Variants in LRRC9 observed in about 807,000 individuals in gnomAD.
The protein encoded by LRRC9 is leucine rich repeat containing 9, also known as leucine-rich repeat-containing protein 9.
In LRRC9, 122 loss-of-function variants were observed where a neutral mutation model predicts 63.2. The ratio of observed to expected loss-of-function variants is 1.93; its 90% CI spans 1.67 to 2.24. The LOEUF (loss-of-function observed/expected upper bound fraction) is 2.24. LRRC9 is among the 30% of genes most tolerant of loss of function. LRRC9 has a pLI of 0.00. For synonymous variants in LRRC9, 366 were observed against 213.1 expected (o/e 1.72, Z -6.25); for missense variants, 1,071 against 627.7 (o/e 1.71, Z -7.55).
In LRRC9 at chr14:59,930,497, A is replaced by AATTG. The variant is rs1365354945; in HGVS notation, c.268-420_268-419insTTGA. ...TTTCATAATTATTAAATATAATTTG[A>AATTG]AGGATTATGAAAACATTTTAGTCTT... On this transcript the variant is annotated intron_variant, in intron 3 of 31. Coordinates refer to ENST00000445360, the Ensembl canonical transcript of LRRC9. This position sits in a 1 kb window ranked among gnomAD's most constrained non-coding sequence, Gnocchi z 4.9. Among the ~76,000 whole-genome samples, 2 of 151,968 alleles carry AATTG rather than the reference A, an allele frequency of 1.3e-5. No individual in the cohort carries two copies. The highest frequency in any genetic ancestry group is 2.9e-5 in the Non-Finnish European group (2 of 67,924).
At chr14:60,013,389 T>A (rs1890415939) in intron 23 of LRRC9, among the ~76,000 whole-genome samples, 1 of 152,088 alleles carries the variant, frequency 6.6e-6, no homozygotes, top group Admixed American at 6.6e-5. Context: ...TCAGGAAAAT[T>A]CTTTATTTCA....
rs573866022 is a variant in LRRC9 at position 59,991,365 on chromosome 14, T to C, written c.2211+6141T>C. On this transcript the variant is annotated intron_variant, in intron 17 of 31. Coordinates refer to ENST00000445360, the Ensembl canonical transcript of LRRC9. ...GCCAAGATGGCCACATAGGAATACC[T>C]CCAGTCTACAGCTCCCAGCATGAGC... Among the ~76,000 whole-genome samples the C allele has an allele frequency of 5.3e-5, 8 of 152,224 alleles. No homozygotes were observed. In the South Asian group the frequency reaches 6.2e-4, roughly 12 times the overall value.
chr14:60,063,041 TGC>T (rs1451253890), intron 31 of LRRC9, among the ~76,000 whole-genome samples: 1 of 152,016 alleles, frequency 6.6e-6, no homozygotes, highest in Non-Finnish European at 1.5e-5. Flanking sequence ...ACTACGGGCA[TGC>T]GCCACCATGC....
chr14:60,063,690 G>A (rs1400146957), downstream of LRRC9: 1 of 248,058 alleles, frequency 4.0e-6, no homozygotes, highest in East Asian at 7.4e-5. Context: ...CTTAGTTCTA[G>A]TATTAGAAAC....
chr14:60,049,692 T>C (rs1893733551), intron 29 of LRRC9, among the ~76,000 whole-genome samples: 1 of 152,170 alleles, frequency 6.6e-6, no homozygotes, highest in African/African-American at 2.4e-5. Context: ...CATTTTTTCT[T>C]TCATTTTGAC....
chr14:60,024,590 A>G (rs1891373735), intron 27 of LRRC9, among the ~76,000 whole-genome samples: 1 of 152,074 alleles, frequency 6.6e-6, no homozygotes, highest in Non-Finnish European at 1.5e-5. Context: ...GAATGCATCT[A>G]TCAAAAGCAC....
chr14:59,929,216 A>G (rs1889477103), intron 3 of LRRC9, among the ~76,000 whole-genome samples: 1 of 152,148 alleles, frequency 6.6e-6, no homozygotes, highest in Non-Finnish European at 1.5e-5. Context: ...AACCTAAACA[A>G]ATTTACAAGA....
chr14:59,979,053 A>G (rs901852810), intron 15 of LRRC9, among the ~76,000 whole-genome samples: 11 of 152,142 alleles, frequency 7.2e-5, no homozygotes, highest in African/African-American at 2.2e-4. Context: ...ACCATTTTCT[A>G]TTAAACTCTG....
In LRRC9 at chr14:59,975,150, T is replaced by C. The variant is rs867280196; in HGVS notation, c.1639+442T>C. On this transcript the variant is annotated intron_variant, in intron 13 of 31. Coordinates refer to ENST00000445360, the Ensembl canonical transcript of LRRC9. The stretch of plus-strand genomic sequence containing the variant: ...ATGTATATATATATACATATATATA[T>C]GTATATATATATATGTATATATATA... Among the ~76,000 whole-genome samples, 39 of 22,724 alleles carry C rather than the reference T, an allele frequency of 1.7e-3. 1 individual carries two copies. Among genetic ancestry groups the C allele is most frequent in the Non-Finnish European group, 4.2e-3 (29 of 6,920 alleles). 14.9% of individuals were successfully genotyped at this position (22,724 alleles called of 152,430 possible).
At chr14:59,975,148 T>TATATACATATATATAC (rs1886107136) in intron 13 of LRRC9, among the ~76,000 whole-genome samples, 1 of 20,468 alleles carries the variant, frequency 4.9e-5, no homozygotes, top group Non-Finnish European at 1.6e-4. Context: ...TACATATATA[T>TATATACATATATATAC]ATGTATATAT....
At chr14:59,967,324 C>T (rs1252273686) in intron 12 of LRRC9, 111 bp downstream of exon 12, 2 of 466,640 alleles carry the variant, frequency 4.3e-6, no homozygotes, top group East Asian at 6.0e-5. Flanking sequence ...TAAATTTCTA[C>T]TGCTGTTTCA....
At chr14:59,998,883 C>T (rs778016250) in intron 18 of LRRC9, among the ~76,000 whole-genome samples, 1 of 151,968 alleles carries the variant, frequency 6.6e-6, no homozygotes, top group Non-Finnish European at 1.5e-5. Flanking sequence ...ATGGGATTTC[C>T]CTTCCTCATC....
At chr14:60,040,103 G>C (rs1382284694) in intron 29 of LRRC9, among the ~76,000 whole-genome samples, 2 of 151,992 alleles carry the variant, frequency 1.3e-5, no homozygotes, top group Non-Finnish European at 2.9e-5. Flanking sequence ...CTGAGTTCTA[G>C]TTTGATTGCA....
chr14:60,015,956 G>C (rs139085105), intron 23 of LRRC9, among the ~76,000 whole-genome samples: 1 of 152,068 alleles, frequency 6.6e-6, no homozygotes, highest in Non-Finnish European at 1.5e-5. Context: ...GCTTGTTATC[G>C]TCTAAAGTTT....
At chr14:59,996,876 G>A (rs557955792) in intron 17 of LRRC9, among the ~76,000 whole-genome samples, 18 of 152,060 alleles carry the variant, frequency 1.2e-4, no homozygotes, top group Middle Eastern at 3.2e-3. Context: ...TAATTCTCAC[G>A]GATGTTTGTT....
chr14:59,978,184 A>G (rs1437299590), intron 15 of LRRC9, 52 bp downstream of exon 15: 2 of 690,364 alleles, frequency 2.9e-6, no homozygotes, highest in African/African-American at 1.8e-5. Flanking sequence ...TTAAATGGGA[A>G]CAAAGTAGTA....
At chr14:60,048,597 T>C (rs568374235) in intron 29 of LRRC9, among the ~76,000 whole-genome samples, 10 of 151,988 alleles carry the variant, frequency 6.6e-5, no homozygotes, top group South Asian at 2.1e-4. Flanking sequence ...TAGGAAGAAA[T>C]TGAATCCCTG....
At chr14:59,988,638 C>T (rs1022815252) in intron 17 of LRRC9, among the ~76,000 whole-genome samples, 24 of 151,994 alleles carry the variant, frequency 1.6e-4, no homozygotes, top group African/African-American at 5.8e-4. Flanking sequence ...TGTGTATGTT[C>T]TTCCCATTCT....
At chr14:60,008,127 G>A (rs1349896836) in exon 23 of LRRC9, 2 of 701,108 alleles carry the variant, frequency 2.9e-6, no homozygotes, top group Non-Finnish European at 5.2e-6. Context: ...ACATGTGTGG[G>A]AACATCATTA....
Sources: allele counts gnomAD v4.1 joint callset (sites outside exome capture counted in the v4.1 genomes callset), GRCh38; gene constraint gnomAD v4.1.1; non-coding constraint Gnocchi (gnomAD v3.1); transcripts MANE v1.5; gene names NCBI Gene and HGNC (gene_info 2026-07-23, HGNC 2026-07-21).